Variants in DIP2C observed in about 807,000 individuals in gnomAD.
DIP2C encodes the protein DIP2 acetate--CoA ligase C (putative).
Under a neutral mutation model 192.4 loss-of-function variants are expected in DIP2C, and 33 were observed. That is an observed-to-expected ratio of 0.17 (90% CI 0.13 to 0.23). The LOEUF (loss-of-function observed/expected upper bound fraction) is 0.23. Among genes scored for constraint, DIP2C ranks in the 10% least tolerant of loss-of-function variants. DIP2C has a pLI of 1.00. For synonymous variants in DIP2C, 979 were observed against 864.1 expected (o/e 1.13, Z -2.33); for missense variants, 1,537 against 2,110.1 (o/e 0.73, Z 5.32).
chr10:469,879 C>T (rs1970491343), intron 3 of DIP2C, among the ~76,000 whole-genome samples: 1 of 152,222 alleles, frequency 6.6e-6, no homozygotes, highest in African/African-American at 2.4e-5. Flanking sequence ...CACACTCCCT[C>T]ATCTTCCTTC....
At chr10:535,139 A>ATC (rs1252199128) in intron 1 of DIP2C, among the ~76,000 whole-genome samples, 2 of 152,068 alleles carry the variant, frequency 1.3e-5, no homozygotes, top group Non-Finnish European at 2.9e-5. Flanking sequence ...GGATCAGAGC[A>ATC]TCTCTCACAT....
At chr10:650,424 G>A (rs1472597881) in intron 1 of DIP2C, 10 of 712,960 alleles carry the variant, frequency 1.4e-5, no homozygotes, top group South Asian at 5.9e-5. Flanking sequence ...AACGCAGGCC[G>A]ACAACATCTT....
intron 1 of DIP2C, among the ~76,000 whole-genome samples, chr10:515,445 G>A (rs1240193408): frequency 1.3e-5 from 2 of 152,300 alleles, no homozygotes; most frequent in East Asian, 1.9e-4. Context: ...GGATCGGGCC[G>A]GGTGCAGTGG....
At chr10:348,607 C>A (rs769051036) in intron 26 of DIP2C, 34 bp downstream of exon 26, 1 of 1,604,672 alleles carries the variant, frequency 6.2e-7, no homozygotes, top group Middle Eastern at 1.7e-4. Flanking sequence ...CAGCTCCAGG[C>A]AGGTGGAGGC....
intron 1 of DIP2C, among the ~76,000 whole-genome samples, chr10:501,960 C>T (rs1845260137): frequency 6.6e-6 from 1 of 151,982 alleles, no homozygotes; most frequent in Admixed American, 6.6e-5. Flanking sequence ...GCCTGGGTAA[C>T]ATAGTGAAAC....
At chr10:490,184 G>T (rs188847648) in intron 1 of DIP2C, among the ~76,000 whole-genome samples, 1 of 151,436 alleles carries the variant, frequency 6.6e-6, no homozygotes, top group East Asian at 1.9e-4. Flanking sequence ...TTTCACACCA[G>T]GGACACGGTG....
intron 1 of DIP2C, among the ~76,000 whole-genome samples, chr10:661,578 G>A (rs528403079): frequency 2.0e-5 from 3 of 152,254 alleles, no homozygotes; most frequent in South Asian, 2.1e-4. Flanking sequence ...GGAAACTCTC[G>A]GCTCTGGGCT....
chr10:350,267 C>T (rs988121296), intron 24 of DIP2C, among the ~76,000 whole-genome samples: 1 of 152,160 alleles, frequency 6.6e-6, no homozygotes, highest in Admixed American at 6.5e-5. Context: ...AAAATTCTCT[C>T]ATAGAGATGG....
intron 32 of DIP2C, among the ~76,000 whole-genome samples, chr10:294,591 C>CT (rs1955657425): frequency 6.9e-6 from 1 of 145,330 alleles, no homozygotes; most frequent in Non-Finnish European, 1.5e-5. Flanking sequence ...GATACCCCAT[C>CT]TAAAAAAAGA....
chr10:306,181 T>C (rs1019444675), intron 32 of DIP2C, among the ~76,000 whole-genome samples: 19 of 151,994 alleles, frequency 1.3e-4, no homozygotes, highest in Non-Finnish European at 2.5e-4. Context: ...CATGTGGGAC[T>C]GTAATCTGTT....
At chr10:457,758 G>C (rs1969419887) in intron 3 of DIP2C, among the ~76,000 whole-genome samples, 1 of 151,878 alleles carries the variant, frequency 6.6e-6, no homozygotes, top group South Asian at 2.1e-4. Context: ...CTCTGACTTT[G>C]TCACCCAGGC....
At chr10:679,440 A>C (rs1588758236) in intron 1 of DIP2C, among the ~76,000 whole-genome samples, 1 of 49,532 alleles carries the variant, frequency 2.0e-5, no homozygotes. Flanking sequence ...TGTACTCCCC[A>C]CACCCAGGCT....
At chr10:615,756 TCTTGA>T (rs369053028) in intron 1 of DIP2C, among the ~76,000 whole-genome samples, 6 of 152,120 alleles carry the variant, frequency 3.9e-5, no homozygotes, top group Non-Finnish European at 5.9e-5. Flanking sequence ...CCACCAAGCT[TCTTGA>T]CTTTAGTGTT....
intron 1 of DIP2C, among the ~76,000 whole-genome samples, chr10:645,262 C>A (rs1388577526): frequency 1.3e-5 from 2 of 152,158 alleles, no homozygotes; most frequent in Non-Finnish European, 2.9e-5. Flanking sequence ...AGCCTCAGAT[C>A]CAGCAGAGTC....
chr10:416,806 G>A (rs1398914312), intron 6 of DIP2C, among the ~76,000 whole-genome samples: 1 of 152,146 alleles, frequency 6.6e-6, no homozygotes. Context: ...GCAGGACCTG[G>A]GAAACCATCA....
In DIP2C at chr10:577,943, G is replaced by A. The variant is rs369125991; in HGVS notation, c.86-91413C>T. On this transcript the variant is annotated intron_variant, in intron 1 of 36. Coordinates refer to ENST00000280886, the MANE Select transcript of DIP2C (RefSeq NM_014974.3). ...TACCTTTGAGACAGACTGTCCTTCT[G>A]TTCTGAAAAATCAGATTATTCTTGC... 4.6e-5 allele frequency among the ~76,000 whole-genome samples: 7 copies of A among 151,796 alleles called. No individual in the cohort carries two copies. In the East Asian group the frequency reaches 9.6e-4, roughly 21 times the overall value.
intron 7 of DIP2C, 39 bp downstream of exon 7, chr10:415,730 G>T: frequency 6.2e-7 from 1 of 1,610,908 alleles, no homozygotes; most frequent in South Asian, 1.1e-5. Context: ...GGGACCATAG[G>T]AGCATCTGGA....
intron 32 of DIP2C, among the ~76,000 whole-genome samples, chr10:289,321 G>C (rs1344743312): frequency 6.6e-6 from 1 of 151,806 alleles, no homozygotes; most frequent in African/African-American, 2.4e-5. Context: ...TCAACCTGGA[G>C]TACAGTGGCA....
intron 1 of DIP2C, among the ~76,000 whole-genome samples, chr10:592,427 T>C (rs1851455803): frequency 1.3e-5 from 2 of 152,188 alleles, no homozygotes; most frequent in African/African-American, 4.8e-5. Flanking sequence ...TGTCCATCGA[T>C]ACGAAAACAG....
Sources: allele counts gnomAD v4.1 joint callset (sites outside exome capture counted in the v4.1 genomes callset), GRCh38; gene constraint gnomAD v4.1.1; transcripts MANE v1.5; gene names NCBI Gene and HGNC (gene_info 2026-07-23, HGNC 2026-07-21).